FUNDC2: variants seen among roughly 807,000 people sequenced by gnomAD.
FUNDC2 encodes the protein FUN14 domain-containing protein 2.
A neutral mutation model predicts 15.6 loss-of-function variants in FUNDC2; 4 were observed. The observed-to-expected ratio is 0.26, with a 90% CI of 0.13 to 0.59. The LOEUF is 0.59. FUNDC2 is among the 20% of genes least tolerant of loss of function. The pLI is 0.90. For missense variants in FUNDC2, 98 were observed against 149.7 expected, an observed-to-expected ratio of 0.65 and a Z score of 1.80; for synonymous variants, 44 against 56.9, an observed-to-expected ratio of 0.77 and a Z score of 1.02.
rs2073907465 is a variant in FUNDC2 at position 155,057,051 on chromosome X, G to GAGGC, written c.*2381_*2382insGCAG. 3.1e-5 allele frequency: 3 copies of GAGGC among 97,419 alleles called. No individual in the cohort carries two copies. The highest frequency in any genetic ancestry group is 4.4e-5 in the Non-Finnish European group (2 of 45,226). 8.0% of individuals were successfully genotyped at this position (97,419 alleles called of 1,213,427 possible). A position where few individuals can be genotyped will look rare whatever the true frequency, so the allele number is the denominator to read the frequency against. On this transcript the variant is annotated 3_prime_UTR_variant, in exon 5 of 5. Transcript: ENST00000369498. ...CAGGTTGGCCTCATCCTGCTAGTAT[G>GAGGC]AGAACGGCTGTGAGTTCTGCCCACG...
intron 4 of FUNDC2, chrX:155,054,072 G>A (rs1569560238): frequency 2.7e-6 from 2 of 751,387 alleles, no homozygotes; most frequent in African/African-American, 4.7e-5. Flanking sequence ...GTGGTGAAGT[G>A]TGAGAATGAG....
intron 2 of FUNDC2, among the ~76,000 whole-genome samples, chrX:155,043,815 T>G (rs1404668810): frequency 8.9e-6 from 1 of 112,042 alleles, no homozygotes; most frequent in Non-Finnish European, 1.9e-5. Flanking sequence ...ATATACTGCC[T>G]GACATCTAAC....
At chrX:155,047,375 A>G (rs1557290121) in intron 3 of FUNDC2, 4 of 342,337 alleles carry the variant, frequency 1.2e-5, no homozygotes, top group South Asian at 5.2e-5. Flanking sequence ...ACAGTTGGCA[A>G]CCCTCACTTT....
At chrX:155,034,821 C>T (rs1030136390) in intron 2 of FUNDC2, among the ~76,000 whole-genome samples, 2 of 112,044 alleles carry the variant, frequency 1.8e-5, no homozygotes, top group Non-Finnish European at 3.8e-5. Flanking sequence ...GTAGGAGTGA[C>T]ATTGATCGAC....
chrX:155,037,628 C>T (rs782721363), intron 2 of FUNDC2, among the ~76,000 whole-genome samples: 33 of 110,390 alleles, frequency 3.0e-4, no homozygotes, highest in South Asian at 1.2e-3. Context: ...GGACTACAGG[C>T]GTGAACCATC....
intron 2 of FUNDC2, among the ~76,000 whole-genome samples, chrX:155,040,597 C>T (rs1557289473): frequency 8.9e-6 from 1 of 112,129 alleles, no homozygotes; most frequent in African/African-American, 3.2e-5. Context: ...TGGTGGACAT[C>T]TGGGGTATTT....
rs1569560286 is a variant in FUNDC2 at position 155,057,034 on chromosome X, CCTCATCCTGCTAGTATGAGAACGG to C, written c.*2365_*2388del. On this transcript the variant is annotated 3_prime_UTR_variant, in exon 5 of 5. Coordinates refer to ENST00000369498, the MANE Select transcript of FUNDC2 (RefSeq NM_023934.4). ...GGTTGAGGTCAGTATTGCAGGTTGGCCTCATCCTGCTAGTATGAGAACGGCTGTGAGTTCTGCCCACGGTGTGAG... is the reference window on the plus strand; with the variant it reads ...GGTTGAGGTCAGTATTGCAGGTTGGCCTGTGAGTTCTGCCCACGGTGTGAG... The C allele has an allele frequency of 9.9e-6, 1 of 100,540 alleles. No homozygotes were observed. Among genetic ancestry groups the C allele is most frequent in the East Asian group, 2.9e-4 (1 of 3,467 alleles). The allele number at this position is 100,540 out of a possible 1,213,427, so 8.3% of individuals were successfully genotyped here. A position where few individuals can be genotyped will look rare whatever the true frequency, so the allele number is the denominator to read the frequency against.
rs144771582 is a variant in FUNDC2 at position 155,045,700 on chromosome X, G to A, written c.285-809G>A. ...GGACAAAAGAGACGGCCTCAAAGTA[G>A]TTTTGCTGTAAAGGAGAGCACAGAA... On this transcript the variant is annotated intron_variant, in intron 2 of 4. Coordinates refer to ENST00000369498, the MANE Select transcript of FUNDC2 (RefSeq NM_023934.4). Among the ~76,000 whole-genome samples the A allele has an allele frequency of 1.6e-3, 181 of 111,248 alleles. No individual in the cohort carries two copies. The East Asian group carries it at 0.024, about 15-fold the overall frequency.
At position 155,046,494 on chromosome X, in the gene FUNDC2, G is replaced by A; in HGVS notation, c.285-15G>A. 8.3e-7 allele frequency: 1 copy of A among 1,198,387 alleles called. No homozygotes were observed. The highest frequency in any genetic ancestry group is 2.2e-5 in the Admixed American group (1 of 46,039). On this transcript the variant is annotated splice_polypyrimidine_tract_variant and intron_variant, in intron 2 of 4. Coordinates refer to ENST00000369498, the MANE Select transcript of FUNDC2 (RefSeq NM_023934.4). The stretch of plus-strand genomic sequence containing the variant: ...ACAGCTCATCAATTTGTCTGATGTT[G>A]GTTTGTTTTTGTAGGTGCACAGGTT...
rs199966246 is a variant in FUNDC2 at position 155,051,761 on chromosome X, G to T, written c.452G>T (p.Ser151Ile). ...KAKEQLKIRK[S>I]NQIPTEVRSK... ...AAAGAGCAGCTGAAGATCCGTAAGA[G>T]CAATCAGATACCTACTGAGGTCAGG... The change falls in exon 4 of 5, where the codon AGC becomes ATC. Residue 151 changes from serine to isoleucine, a missense_variant. Ser to Ile is a moderately radical substitution (Grantham distance 142, BLOSUM62 -2). Transcript: ENST00000369498. 1 of 1,209,722 alleles carries T rather than the reference G, an allele frequency of 8.3e-7. No homozygotes were observed. Among genetic ancestry groups the T allele is most frequent in the East Asian group, 3.0e-5 (1 of 33,781 alleles).
At position 155,060,282 on chromosome X, in the gene FUNDC2, A is replaced by G. The variant is rs781859036; in HGVS notation, c.*5610A>G. On this transcript the variant is annotated 3_prime_UTR_variant, in exon 5 of 5. Transcript: ENST00000369498. Reference sequence around the variant, plus strand: ...TGTAATTTAGATTTGTAGATGGTGTAACATTAAAGTTGTATGATGTTTTAT... The same window carrying G: ...TGTAATTTAGATTTGTAGATGGTGTGACATTAAAGTTGTATGATGTTTTAT... 1 of 112,323 alleles carries G rather than the reference A, an allele frequency of 8.9e-6. No individual in the cohort carries two copies. Among genetic ancestry groups the G allele is most frequent in the Non-Finnish European group, 1.9e-5 (1 of 53,273 alleles). 9.3% of individuals were successfully genotyped at this position (112,323 alleles called of 1,213,427 possible). A position where few individuals can be genotyped will look rare whatever the true frequency, so the allele number is the denominator to read the frequency against.
intron 3 of FUNDC2, chrX:155,049,105 T>G (rs1234519511): frequency 8.8e-6 from 1 of 113,172 alleles, no homozygotes; most frequent in Non-Finnish European, 1.9e-5. Flanking sequence ...TTTGCAGCTT[T>G]CAGAGCCCAG....
At position 155,057,043 on chromosome X, in the gene FUNDC2, GCTAGTA is replaced by G. The variant is rs1569560295; in HGVS notation, c.*2372_*2377del. 1.0e-5 allele frequency: 1 copy of G among 96,369 alleles called. No homozygotes were observed. Among genetic ancestry groups the G allele is most frequent in the Admixed American group, 1.1e-4 (1 of 9,506 alleles). 7.9% of individuals were successfully genotyped at this position (96,369 alleles called of 1,213,427 possible). ...CAGTATTGCAGGTTGGCCTCATCCTGCTAGTATGAGAACGGCTGTGAGTTCTGCCCA... is the reference window on the plus strand; with the variant it reads ...CAGTATTGCAGGTTGGCCTCATCCTGTGAGAACGGCTGTGAGTTCTGCCCA... On this transcript the variant is annotated 3_prime_UTR_variant, in exon 5 of 5. Transcript: ENST00000369498.
intron 2 of FUNDC2, among the ~76,000 whole-genome samples, chrX:155,041,956 C>T (rs1404115301): frequency 9.4e-6 from 1 of 105,945 alleles, no homozygotes; most frequent in Non-Finnish European, 1.9e-5. Context: ...GTAGTCCCAG[C>T]TACTCGGGAG....
Position 155,026,914 on chromosome X carries a change from T to C in FUNDC2, c.-25T>C. The C allele has an allele frequency of 8.5e-7, 1 of 1,173,390 alleles. No individual in the cohort carries two copies. Among genetic ancestry groups the C allele is most frequent in the African/African-American group, 1.8e-5 (1 of 56,592 alleles). ...CAAGCAGCCGCGGCGCGCCCGGCCC[T>C]CCCTCTTCCGCTGCCGCCGTGGGAA... On this transcript the variant is annotated 5_prime_UTR_variant, in exon 1 of 5. Coordinates refer to ENST00000369498, the MANE Select transcript of FUNDC2 (RefSeq NM_023934.4).
intron 3 of FUNDC2, 87 bp from the exon 4 acceptor site, chrX:155,051,583 C>T (rs1036463183): frequency 2.2e-5 from 22 of 1,020,596 alleles, no homozygotes; most frequent in African/African-American, 1.5e-4. Context: ...CAGAGGGTTT[C>T]GAGAGTCTAC....
chrX:155,027,151 CCAGTCGCGACCGAGCTCCCCGGGGAG>C (rs1293610664), intron 1 of FUNDC2, 80 bp downstream of exon 1: 1 of 968,999 alleles, frequency 1.0e-6, no homozygotes, highest in African/African-American at 2.1e-5. Context: ...TCCGCGCCCG[CCAGTCGCGACCGAGCTCCCCGGGGAG>C]TCCAAGCGGC....
rs1451491454 is a variant in FUNDC2 at position 155,058,124 on chromosome X, G to C, written c.*3452G>C. On this transcript the variant is annotated 3_prime_UTR_variant, in exon 5 of 5. Transcript: ENST00000369498. ...CCAGACATTCATTAACAGGACAGTG[G>C]GGTTCTTGACTCCCCTACCACTGGG... The C allele has an allele frequency of 1.8e-5, 2 of 111,263 alleles. No homozygotes were observed. The highest frequency in any genetic ancestry group is 9.5e-5 in the Admixed American group (1 of 10,491). The allele number at this position is 111,263 out of a possible 1,213,427, so 9.2% of individuals were successfully genotyped here. A position where few individuals can be genotyped will look rare whatever the true frequency, so the allele number is the denominator to read the frequency against.
intron 3 of FUNDC2, chrX:155,050,888 C>A (rs781849052): frequency 6.3e-5 from 7 of 111,872 alleles, no homozygotes; most frequent in Non-Finnish European, 1.3e-4. Context: ...GTGCCATTAG[C>A]TAAAATAGGG....
Sources: allele counts gnomAD v4.1 joint callset (sites outside exome capture counted in the v4.1 genomes callset), GRCh38; gene constraint gnomAD v4.1.1; transcripts MANE v1.5; gene names NCBI Gene and HGNC (gene_info 2026-07-23, HGNC 2026-07-21).